The following FAM161A variants were observed in gnomAD, a reference collection of about 807,000 sequenced individuals.
The protein encoded by FAM161A is protein FAM161A.
Under a neutral mutation model 70.9 loss-of-function variants are expected in FAM161A, and 57 were observed. That is an observed-to-expected ratio of 0.80 (90% CI 0.65 to 1.00). FAM161A has a LOEUF of 1.00. Among genes scored for constraint, FAM161A ranks in the 50% least tolerant of loss-of-function variants. The pLI, the probability that FAM161A is intolerant of heterozygous loss-of-function variation, is 0.00. For missense variants in FAM161A, 880 were observed against 836.0 expected, an observed-to-expected ratio of 1.05 and a Z score of -0.65; for synonymous variants, 299 against 295.7, an observed-to-expected ratio of 1.01 and a Z score of -0.12.
the FAM161A span, among the ~76,000 whole-genome samples, chr2:61,809,917 C>T: frequency 6.6e-6 from 1 of 152,196 alleles, no homozygotes; most frequent in African/African-American, 2.4e-5. Context: ...ACTACATGAG[C>T]CAACCCATCT....
the FAM161A span, among the ~76,000 whole-genome samples, chr2:61,807,097 A>G: frequency 6.6e-6 from 1 of 152,182 alleles, no homozygotes; most frequent in Non-Finnish European, 1.5e-5. Context: ...CAAATTTTGC[A>G]AGGTTGTAGA....
At chr2:61,835,070 A>C (rs1284337994) in intron 5 of FAM161A, among the ~76,000 whole-genome samples, 1 of 152,238 alleles carries the variant, frequency 6.6e-6, no homozygotes, top group Non-Finnish European at 1.5e-5. Flanking sequence ...AGATTACGTA[A>C]CTTTGAGAGA....
chr2:61,839,280 T>C lies in FAM161A; in HGVS notation c.1583+141A>G, dbSNP rs562382315. ...TCTTAGAATACCCTCTGACAAAATA[T>C]CATATATTATATAGTAAAATATCTT... On this transcript the variant is annotated intron_variant, in intron 3 of 6. Transcript: ENST00000404929. The C allele has an allele frequency of 1.7e-3, 1,103 of 658,106 alleles. 6 individuals carry two copies. The African/African-American group carries it at 0.02, about 12-fold the overall frequency. 40.8% of individuals were successfully genotyped at this position (658,106 alleles called of 1,614,324 possible).
intron 5 of FAM161A, among the ~76,000 whole-genome samples, chr2:61,833,115 A>C (rs1672643537): frequency 6.6e-6 from 1 of 152,012 alleles, no homozygotes; most frequent in African/African-American, 2.4e-5. Context: ...TTAACACAAG[A>C]AAAAATTTTT....
At chr2:61,808,709 TG>T in the FAM161A span, among the ~76,000 whole-genome samples, 1 of 152,182 alleles carries the variant, frequency 6.6e-6, no homozygotes, top group African/African-American at 2.4e-5. Flanking sequence ...TAGGAAGGCT[TG>T]GAGGAGAAAA....
At chr2:61,822,580 TAA>T (rs1672224832), downstream of FAM161A, among the ~76,000 whole-genome samples, 4 of 152,212 alleles carry the variant, frequency 2.6e-5, no homozygotes, top group South Asian at 8.3e-4. Flanking sequence ...GTAATTTTTA[TAA>T]AGTTATTTTT....
the FAM161A span, among the ~76,000 whole-genome samples, chr2:61,803,657 T>TGC: frequency 6.6e-6 from 1 of 152,064 alleles, no homozygotes; most frequent in Non-Finnish European, 1.5e-5. Flanking sequence ...CTACTAAAAA[T>TGC]ATAAAAATTA....
At chr2:61,822,293 T>A (rs1052460957), downstream of FAM161A, among the ~76,000 whole-genome samples, 24 of 152,014 alleles carry the variant, frequency 1.6e-4, no homozygotes, top group African/African-American at 5.3e-4. Context: ...AAATTAAAAA[T>A]TTTAAAAAGT....
At chr2:61,844,704 A>G (rs1263828032) in intron 1 of FAM161A, among the ~76,000 whole-genome samples, 1 of 152,148 alleles carries the variant, frequency 6.6e-6, no homozygotes, top group East Asian at 1.9e-4. Flanking sequence ...GTCTCACTTA[A>G]AACAAACAAA....
chr2:61,817,880 C>T, the FAM161A span, among the ~76,000 whole-genome samples: 1 of 151,942 alleles, frequency 6.6e-6, no homozygotes, highest in Non-Finnish European at 1.5e-5. Context: ...GTGGGAGGAT[C>T]GCTTGAACCT....
intron 6 of FAM161A, 68 bp from the exon 7 acceptor site, chr2:61,826,667 G>C (rs913645310): frequency 1.1e-5 from 14 of 1,331,358 alleles, no homozygotes; most frequent in Admixed American, 1.8e-5. Context: ...CAAACCCTCT[G>C]CAAGTATGCC....
intron 1 of FAM161A, among the ~76,000 whole-genome samples, chr2:61,853,544 T>C (rs533727689): frequency 6.6e-6 from 1 of 152,322 alleles, no homozygotes; most frequent in African/African-American, 2.4e-5. Flanking sequence ...TATATCTCTA[T>C]ATATCCATTC....
At chr2:61,831,056 G>C (rs1450688123) in intron 5 of FAM161A, among the ~76,000 whole-genome samples, 2 of 148,712 alleles carry the variant, frequency 1.3e-5, no homozygotes, top group Non-Finnish European at 3.0e-5. Context: ...AGGTTCCAGT[G>C]AGCTGAGATC....
At chr2:61,851,805 G>C (rs1176327094) in intron 1 of FAM161A, among the ~76,000 whole-genome samples, 3 of 151,740 alleles carry the variant, frequency 2.0e-5, no homozygotes, top group Non-Finnish European at 4.4e-5. Context: ...GCAGGGGTTG[G>C]GGGGTTGGGG....
intron 4 of FAM161A, 173 bp from the exon 5 acceptor site, chr2:61,836,282 C>A: frequency 1.7e-6 from 1 of 596,508 alleles, no homozygotes; most frequent in South Asian, 2.0e-5. Flanking sequence ...ACCTCGATTC[C>A]TCTTCTATAC....
chr2:61,806,227 A>G, the FAM161A span, among the ~76,000 whole-genome samples: 2 of 152,196 alleles, frequency 1.3e-5, no homozygotes, highest in African/African-American at 2.4e-5. Context: ...CCGTCTCAAA[A>G]AAAAAGAAAG....
At chr2:61,852,135 G>C (rs924024490) in intron 1 of FAM161A, among the ~76,000 whole-genome samples, 4 of 151,792 alleles carry the variant, frequency 2.6e-5, no homozygotes, top group Non-Finnish European at 4.4e-5. Context: ...CCTCATGTGT[G>C]GTGGTCTCAG....
intron 1 of FAM161A, among the ~76,000 whole-genome samples, chr2:61,843,909 C>T (rs762363105): frequency 1.3e-5 from 2 of 151,938 alleles, no homozygotes; most frequent in Non-Finnish European, 2.9e-5. Context: ...TTTGGGAGGC[C>T]GAGGCAGGTG....
chr2:61,824,183 C>T (rs1307415628), downstream of FAM161A, among the ~76,000 whole-genome samples: 4 of 144,024 alleles, frequency 2.8e-5, no homozygotes, highest in South Asian at 2.3e-4. Context: ...CCCACCACCA[C>T]GCCTGGCTAA....
Sources: gnomAD v4.1 joint callset for allele counts (sites outside exome capture counted in the v4.1 genomes callset) on GRCh38, gnomAD v4.1.1 for gene constraint, MANE v1.5 for transcripts, NCBI Gene and HGNC (gene_info 2026-07-23, HGNC 2026-07-21) for gene names.